CCDC125: variants seen among roughly 807,000 people sequenced by gnomAD.
CCDC125 encodes coiled-coil domain containing 125, also known as coiled-coil domain-containing protein 125.
A neutral mutation model predicts 57.4 loss-of-function variants in CCDC125; 43 were observed. The ratio of observed to expected loss-of-function variants is 0.75; its 90% CI spans 0.59 to 0.97. The LOEUF (loss-of-function observed/expected upper bound fraction) is 0.97. CCDC125 is among the 50% of genes least tolerant of loss of function. The pLI, the probability that CCDC125 is intolerant of heterozygous loss-of-function variation, is 0.00. For synonymous variants in CCDC125, 187 were observed against 195.2 expected (o/e 0.96, Z 0.35); for missense variants, 563 against 595.7 (o/e 0.95, Z 0.57).
rs111858087 is a variant in CCDC125, at chr5:69,322,602, G to T, written c.-40-2022C>A. 1.1e-3 allele frequency among the ~76,000 whole-genome samples: 170 copies of T among 151,370 alleles called. 3 individuals are homozygous for T. Among genetic ancestry groups the T allele is most frequent in the African/African-American group, 4.0e-3 (165 of 41,298 alleles). ...TTTTTTGAGACAGTCTTGCTCTGTC[G>T]CCCAGGCTGGAGTGCCGTGGCGCAA... is the stretch of plus-strand genomic sequence containing the variant. On this transcript the variant is annotated intron_variant, in intron 1 of 11. Coordinates refer to ENST00000396496, the MANE Select transcript of CCDC125 (RefSeq NM_176816.5).
chr5:69,319,820 A>G (rs1304939035), intron 2 of CCDC125, among the ~76,000 whole-genome samples: 1 of 151,958 alleles, frequency 6.6e-6, no homozygotes, highest in East Asian at 2.0e-4. Context: ...CAAGAGATGA[A>G]TAAAGATAAA....
At chr5:69,313,468 AATT>A (rs1758489082) in intron 3 of CCDC125, 1 of 1,195,706 alleles carries the variant, frequency 8.4e-7, no homozygotes, top group Admixed American at 1.7e-5. Flanking sequence ...GTTTGCTTGT[AATT>A]CTTGCTTGAT....
At chr5:69,325,366 G>C (rs529989117) in intron 1 of CCDC125, among the ~76,000 whole-genome samples, 2 of 149,094 alleles carry the variant, frequency 1.3e-5, no homozygotes, top group Non-Finnish European at 3.0e-5. Context: ...CCTAGCACTT[G>C]TTGCCTGCTT....
chr5:69,306,736 C>A, intron 6 of CCDC125, 81 bp downstream of exon 6: 1 of 1,305,914 alleles, frequency 7.7e-7, no homozygotes, highest in Non-Finnish European at 9.9e-7. Context: ...GCACTTGGCT[C>A]AAAGAAGAAA....
chr5:69,276,316 A>C (rs1302280038), downstream of CCDC125, among the ~76,000 whole-genome samples: 1 of 152,166 alleles, frequency 6.6e-6, no homozygotes, highest in African/African-American at 2.4e-5. Context: ...GGCATGAGCT[A>C]CTGTGCCCGG....
chr5:69,278,891 G>C (rs1646896954), downstream of CCDC125, among the ~76,000 whole-genome samples: 1 of 147,954 alleles, frequency 6.8e-6, no homozygotes. Flanking sequence ...TAATGAGACA[G>C]AGTCTTGCTC....
intron 11 of CCDC125, 26 bp downstream of exon 11, chr5:69,285,311 C>A: frequency 6.2e-7 from 1 of 1,609,678 alleles, no homozygotes; most frequent in Non-Finnish European, 8.5e-7. Flanking sequence ...TAACCATAAC[C>A]TGCAAAAAAA....
At chr5:69,289,688 C>T (rs1317272955) in intron 10 of CCDC125, among the ~76,000 whole-genome samples, 1 of 151,800 alleles carries the variant, frequency 6.6e-6, no homozygotes, top group Non-Finnish European at 1.5e-5. Context: ...ACAGTGAGAC[C>T]TCATCTCTAT....
At chr5:69,329,499 CTTTTT>C (rs535306741) in intron 1 of CCDC125, among the ~76,000 whole-genome samples, 1 of 95,320 alleles carries the variant, frequency 1.0e-5, no homozygotes. Flanking sequence ...GGATTCAAGT[CTTTTT>C]TTTTTTTTTT....
chr5:69,306,057 C>T (rs894868526), intron 6 of CCDC125, among the ~76,000 whole-genome samples: 5 of 151,722 alleles, frequency 3.3e-5, no homozygotes, highest in African/African-American at 4.8e-5. Context: ...ATTGTCAGAA[C>T]ATAAACATTT....
chr5:69,307,681 CA>C (rs34077586), intron 5 of CCDC125: 22,593 of 291,156 alleles, frequency 0.078, no homozygotes, highest in South Asian at 0.11. Context: ...GACTCCATCT[CA>C]AAAAAAAAAA....
downstream of CCDC125, among the ~76,000 whole-genome samples, chr5:69,276,275 C>T (rs1044420211): frequency 7.2e-5 from 11 of 152,090 alleles, no homozygotes; most frequent in Non-Finnish European, 1.0e-4. Flanking sequence ...GTGATCCACC[C>T]GCCTCAGCCT....
At chr5:69,315,827 A>G (rs73131012) in intron 2 of CCDC125, among the ~76,000 whole-genome samples, 4,688 of 151,022 alleles carry the variant, frequency 0.031, 237 homozygotes, top group African/African-American at 0.11. Flanking sequence ...AAGAATGACT[A>G]GAAGAGTCCT....
intron 1 of CCDC125, among the ~76,000 whole-genome samples, chr5:69,322,486 G>A (rs1580229306): frequency 1.3e-5 from 2 of 152,158 alleles, no homozygotes; most frequent in South Asian, 4.2e-4. Flanking sequence ...GGCTTTGGGA[G>A]GCTGAGGCTA....
downstream of CCDC125, among the ~76,000 whole-genome samples, chr5:69,278,746 G>A (rs1026091786): frequency 5.0e-5 from 7 of 140,930 alleles, no homozygotes; most frequent in Admixed American, 5.4e-4. Context: ...TGTTGCCCAG[G>A]TTGGAGTGTA....
At chr5:69,279,185 C>T (rs1397308723), downstream of CCDC125, among the ~76,000 whole-genome samples, 5 of 144,042 alleles carry the variant, frequency 3.5e-5, no homozygotes. Context: ...TGCTACCAAG[C>T]TCATGCAGGT....
chr5:69,307,916 G>A (rs1193522575), intron 5 of CCDC125, 35 bp downstream of exon 5: 1 of 1,491,356 alleles, frequency 6.7e-7, no homozygotes, highest in East Asian at 2.3e-5. Context: ...ACAGCTTATT[G>A]GATTCAATAA....
the CCDC125 span, among the ~76,000 whole-genome samples, chr5:69,273,792 G>A: frequency 6.6e-6 from 1 of 152,028 alleles, no homozygotes; most frequent in Non-Finnish European, 1.5e-5. Flanking sequence ...TTTCTCTTTA[G>A]GTTTGTTCCA....
intron 2 of CCDC125, among the ~76,000 whole-genome samples, chr5:69,315,447 A>AAC (rs1758878916): frequency 1.8e-4 from 2 of 11,386 alleles, no homozygotes; most frequent in African/African-American, 3.2e-4. Flanking sequence ...CAAAAAAAAA[A>AAC]AACAAAAAAA....
Sources: gnomAD v4.1 joint callset for allele counts (sites outside exome capture counted in the v4.1 genomes callset) on GRCh38, gnomAD v4.1.1 for gene constraint, MANE v1.5 for transcripts, NCBI Gene and HGNC (gene_info 2026-07-23, HGNC 2026-07-21) for gene names.